The following LSM12 variants were observed in gnomAD, a reference collection of about 807,000 sequenced individuals.
LSM12 encodes the protein LSM12 homolog, also known as protein LSM12.
For synonymous variants in LSM12, 74 were observed against 87.3 expected (o/e 0.85, Z 0.85); for missense variants, 108 against 238.9 (o/e 0.45, Z 3.61).
At chr17:44,038,744 G>C (rs1597882084) in intron 3 of LSM12, among the ~76,000 whole-genome samples, 2 of 152,190 alleles carry the variant, frequency 1.3e-5, no homozygotes, top group Admixed American at 1.3e-4. Flanking sequence ...CTTCAGACTG[G>C]CTCTTCTCAA....
intron 2 of LSM12, among the ~76,000 whole-genome samples, chr17:44,060,044 A>C (rs2049775727): frequency 6.6e-6 from 1 of 152,192 alleles, no homozygotes; most frequent in Non-Finnish European, 1.5e-5. Context: ...GGGCGCCTGT[A>C]GTCCCAGCTA....
chr17:44,066,650 G>C lies in LSM12; in HGVS notation c.-63C>G, dbSNP rs1225210758. ...GCAGCGGGCGAAAGCCGGGCCCCCA[G>C]TGAGCGCCGCGACGCGACGGCGCGC... On this transcript the variant is annotated 5_prime_UTR_variant, in exon 1 of 5. Coordinates refer to ENST00000293406, the MANE Select transcript of LSM12 (RefSeq NM_001371445.1). 5.5e-6 allele frequency: 7 copies of C among 1,277,842 alleles called. No individual in the cohort carries two copies. The highest frequency in any genetic ancestry group is 5.8e-5 in the South Asian group (2 of 34,634). 79.2% of individuals were successfully genotyped at this position (1,277,842 alleles called of 1,614,324 possible). A position where few individuals can be genotyped will look rare whatever the true frequency, so the allele number is the denominator to read the frequency against.
At position 44,035,761 on chromosome 17, in the gene LSM12, A is replaced by C. The variant is rs2144060205; in HGVS notation, c.*447T>G. 6.5e-6 allele frequency: 1 copy of C among 152,940 alleles called. No homozygotes were observed. The highest frequency in any genetic ancestry group is 1.9e-4 in the East Asian group (1 of 5,208). The allele number at this position is 152,940 out of a possible 1,614,324, so 9.5% of individuals were successfully genotyped here. A position where few individuals can be genotyped will look rare whatever the true frequency, so the allele number is the denominator to read the frequency against. Reference sequence around the variant, plus strand: ...TGAGACGTTTGCTGCTCTGGTCTCAATTTAAGAATCACAGTCAGCTTGTTA... The same window carrying C: ...TGAGACGTTTGCTGCTCTGGTCTCACTTTAAGAATCACAGTCAGCTTGTTA... On this transcript the variant is annotated 3_prime_UTR_variant, in exon 5 of 5. Transcript: ENST00000293406.
intron 2 of LSM12, among the ~76,000 whole-genome samples, chr17:44,045,216 CAG>C (rs1292241272): frequency 2.0e-5 from 3 of 151,774 alleles, no homozygotes; most frequent in Non-Finnish European, 4.4e-5. Flanking sequence ...TTAGTAGAGA[CAG>C]GGGTTCACCA....
At position 44,047,522 on chromosome 17, in the gene LSM12, C is replaced by T. The variant is rs2049584953; in HGVS notation, c.259-7266G>A. Among the ~76,000 whole-genome samples the T allele has an allele frequency of 2.0e-5, 3 of 152,176 alleles. No individual in the cohort carries two copies. The South Asian group carries it at 6.2e-4, about 32-fold the overall frequency. On this transcript the variant is annotated intron_variant, in intron 2 of 4. Transcript: ENST00000293406. ...TCGGCCTCCCAAAGTGCTGGGATTA[C>T]AGGCATGAGCCACCATGCCCAGCCT...
chr17:44,039,430 G>A (rs1234084299), intron 3 of LSM12, among the ~76,000 whole-genome samples: 6 of 131,250 alleles, frequency 4.6e-5, no homozygotes, highest in South Asian at 2.6e-4. Flanking sequence ...GCCGGACTGC[G>A]GACTGCAGTG....
Position 44,039,256 on chromosome 17 carries a change from T to C in LSM12, c.368+891A>G, listed in dbSNP as rs541241244. Among the ~76,000 whole-genome samples, 3 of 152,008 alleles carry C rather than the reference T, an allele frequency of 2.0e-5. 1 individual carries two copies. The South Asian group carries it at 6.2e-4, about 32-fold the overall frequency. On this transcript the variant is annotated intron_variant, in intron 3 of 4. Transcript: ENST00000293406. ...TTTAGTAGAGATGGGGGTTTCAACA[T>C]GTTGGTCAGGCTGGTCTGGAACTCC...
Position 44,057,773 on chromosome 17 carries a change from G to GTAA in LSM12, c.258+6025_258+6027dup, listed in dbSNP as rs544382507. ...GACTCTGTCTCAAAAAAAAAACAAA[G>GTAA]TAATAATAATAATAATAATACATAA... is the stretch of plus-strand genomic sequence containing the variant. On this transcript the variant is annotated intron_variant, in intron 2 of 4. Coordinates refer to ENST00000293406, the MANE Select transcript of LSM12 (RefSeq NM_001371445.1). Among the ~76,000 whole-genome samples, 261 of 150,230 alleles carry GTAA rather than the reference G, an allele frequency of 1.7e-3. 3 individuals are homozygous for GTAA. The highest frequency in any genetic ancestry group is 5.7e-3 in the African/African-American group (233 of 40,972).
chr17:44,061,576 G>C (rs1428228798), intron 2 of LSM12, among the ~76,000 whole-genome samples: 1 of 152,122 alleles, frequency 6.6e-6, no homozygotes, highest in East Asian at 1.9e-4. Context: ...GACAAGATAG[G>C]AACTCCAGAT....
intron 2 of LSM12, among the ~76,000 whole-genome samples, chr17:44,046,623 C>T (rs1419443316): frequency 3.6e-5 from 5 of 137,882 alleles, no homozygotes; most frequent in African/African-American, 8.2e-5. Flanking sequence ...AGGAGAAAGG[C>T]GTGAACTCAG....
intron 2 of LSM12, among the ~76,000 whole-genome samples, chr17:44,060,633 G>A (rs928852032): frequency 6.6e-6 from 1 of 152,176 alleles, no homozygotes; most frequent in Non-Finnish European, 1.5e-5. Flanking sequence ...GCAGGCCACA[G>A]AGTAAGAAAA....
chr17:44,049,245 C>T (rs1168764616), intron 2 of LSM12, among the ~76,000 whole-genome samples: 1 of 152,134 alleles, frequency 6.6e-6, no homozygotes, highest in African/African-American at 2.4e-5. Context: ...GGCTTCTAAT[C>T]ATGCCTGATG....
intron 2 of LSM12, among the ~76,000 whole-genome samples, chr17:44,059,936 G>A (rs927091812): frequency 2.6e-5 from 4 of 152,190 alleles, no homozygotes; most frequent in East Asian, 1.9e-4. Context: ...AGGCCGAGGC[G>A]GGCGGATCAC....
chr17:44,042,195 G>C (rs1033119131), intron 2 of LSM12, among the ~76,000 whole-genome samples: 1 of 151,962 alleles, frequency 6.6e-6, no homozygotes, highest in African/African-American at 2.4e-5. Flanking sequence ...GCTGAGACAG[G>C]AGAATCGCTT....
At chr17:44,052,812 C>A (rs550167389) in intron 2 of LSM12, among the ~76,000 whole-genome samples, 5 of 149,556 alleles carry the variant, frequency 3.3e-5, no homozygotes, top group African/African-American at 1.2e-4. Flanking sequence ...TTTATATAAA[C>A]GTATATTTTT....
At chr17:44,049,092 G>A (rs2049608937) in intron 2 of LSM12, among the ~76,000 whole-genome samples, 1 of 152,158 alleles carries the variant, frequency 6.6e-6, no homozygotes, top group Non-Finnish European at 1.5e-5. Context: ...TTGGGAGGCT[G>A]AGGCAGGACA....
In LSM12 at chr17:44,037,740, A is replaced by G. The variant is rs553826092; in HGVS notation, c.369-202T>C. On this transcript the variant is annotated intron_variant, in intron 3 of 4. Coordinates refer to ENST00000293406, the MANE Select transcript of LSM12 (RefSeq NM_001371445.1). ...TAGAAAAGCAATGAAACTCATGCACATTTATTCTTGGGAGAGCCCAGAAAT... is the reference window on the plus strand; with the variant it reads ...TAGAAAAGCAATGAAACTCATGCACGTTTATTCTTGGGAGAGCCCAGAAAT... Among the ~76,000 whole-genome samples, 178 of 152,278 alleles carry G rather than the reference A, an allele frequency of 1.2e-3. 1 individual carries two copies. Among genetic ancestry groups the G allele is most frequent in the African/African-American group, 4.0e-3 (167 of 41,558 alleles).
chr17:44,066,635 A>C lies in LSM12; in HGVS notation c.-48T>G. ...GCGGCGGCGGCGGCAGCAGCGGGCG[A>C]AAGCCGGGCCCCCAGTGAGCGCCGC... On this transcript the variant is annotated 5_prime_UTR_variant, in exon 1 of 5. Coordinates refer to ENST00000293406, the MANE Select transcript of LSM12 (RefSeq NM_001371445.1). The C allele has an allele frequency of 3.1e-6, 4 of 1,305,066 alleles. No individual in the cohort carries two copies. The highest frequency in any genetic ancestry group is 3.9e-6 in the Non-Finnish European group (4 of 1,023,546). 80.8% of individuals were successfully genotyped at this position (1,305,066 alleles called of 1,614,324 possible).
rs564681210 is a variant in LSM12 at position 44,034,691 on chromosome 17, A to G, written c.*1517T>C. 6.6e-6 allele frequency: 1 copy of G among 150,450 alleles called. No homozygotes were observed. The highest frequency in any genetic ancestry group is 1.5e-5 in the Non-Finnish European group (1 of 67,606). 9.3% of individuals were successfully genotyped at this position (150,450 alleles called of 1,614,324 possible). On this transcript the variant is annotated 3_prime_UTR_variant, in exon 5 of 5. Transcript: ENST00000293406. ...TTTGCTAAATAATACTAAAAAAAAAATTTCATTTTGAAGGCAGGGCTTGAA... is the reference window on the plus strand; with the variant it reads ...TTTGCTAAATAATACTAAAAAAAAAGTTTCATTTTGAAGGCAGGGCTTGAA...
Sources: gnomAD v4.1 joint callset for allele counts (sites outside exome capture counted in the v4.1 genomes callset) on GRCh38, gnomAD v4.1.1 for gene constraint, MANE v1.5 for transcripts, NCBI Gene and HGNC (gene_info 2026-07-23, HGNC 2026-07-21) for gene names.